Variants in PIGX observed in about 807,000 individuals in gnomAD.
The protein encoded by PIGX is GPI alpha-1,4-mannosyltransferase I, stabilizing subunit.
PIGX carries 24 observed loss-of-function variants against 28.7 expected under a neutral mutation model. The ratio of observed to expected loss-of-function variants is 0.84; its 90% CI spans 0.60 to 1.17. The LOEUF is 1.17. Ranked by LOEUF, PIGX falls within the 50% of genes most tolerant of loss-of-function variation. The pLI is 0.00. For synonymous variants in PIGX, 127 were observed against 121.0 expected (o/e 1.05, Z -0.33); for missense variants, 305 against 317.8 (o/e 0.96, Z 0.31).
intron 2 of PIGX, 50 bp from the exon 3 acceptor site, chr3:196,722,365 C>T (rs1303963663): frequency 2.2e-6 from 3 of 1,376,058 alleles, no homozygotes; most frequent in Middle Eastern, 3.6e-4. Context: ...TATGTTATCT[C>T]ATTTAACAGT....
rs1205312642 is a variant in PIGX, at chr3:196,735,446, C to T, written c.*1544C>T. The T allele has an allele frequency of 6.6e-6, 1 of 151,828 alleles. No homozygotes were observed. The highest frequency in any genetic ancestry group is 6.6e-5 in the Admixed American group (1 of 15,236). 9.4% of individuals were successfully genotyped at this position (151,828 alleles called of 1,614,324 possible). On this transcript the variant is annotated 3_prime_UTR_variant, in exon 6 of 6. Coordinates refer to ENST00000392391, the MANE Select transcript of PIGX (RefSeq NM_017861.4). ...TAAACCTTTGTATATGCCATCACTG[C>T]TCCATTTCCTAAAGTATTTTGGTGT...
In PIGX at chr3:196,733,909, T is replaced by C. The variant is rs757140285; in HGVS notation, c.*7T>C. ...TGGCCATTTTTCCCTATAAGTTTTATGTAGTTAAATGCTTCCTAGAAACCT... is the reference window on the plus strand; with the variant it reads ...TGGCCATTTTTCCCTATAAGTTTTACGTAGTTAAATGCTTCCTAGAAACCT... On this transcript the variant is annotated 3_prime_UTR_variant, in exon 6 of 6. Coordinates refer to ENST00000392391, the MANE Select transcript of PIGX (RefSeq NM_017861.4). This position sits in a 1 kb window ranked among gnomAD's most constrained non-coding sequence, Gnocchi z 4.3. The C allele has an allele frequency of 1.3e-6, 2 of 1,535,488 alleles. No individual in the cohort carries two copies. Among genetic ancestry groups the C allele is most frequent in the South Asian group, 1.1e-5 (1 of 89,104 alleles).
At chr3:196,724,124 C>G (rs1469291480) in intron 3 of PIGX, among the ~76,000 whole-genome samples, 2 of 150,854 alleles carry the variant, frequency 1.3e-5, no homozygotes, top group African/African-American at 4.9e-5. Context: ...TTCAAGTTCT[C>G]CTGCCTCAGC....
chr3:196,712,623 A>G lies in PIGX; in HGVS notation c.91A>G (p.Thr31Ala), dbSNP rs1711869012. 5.9e-6 allele frequency: 7 copies of G among 1,186,860 alleles called. No homozygotes were observed. Among genetic ancestry groups the G allele is most frequent in the Non-Finnish European group, 7.3e-6 (7 of 959,484 alleles). 73.5% of individuals were successfully genotyped at this position (1,186,860 alleles called of 1,614,324 possible). A position where few individuals can be genotyped will look rare whatever the true frequency, so the allele number is the denominator to read the frequency against. Residue 31 changes from threonine (T) to alanine (A), a missense_variant, in exon 1 of 6, where the codon ACC becomes GCC. By Grantham distance (58) the Thr-to-Ala change is moderately conservative. Coordinates refer to ENST00000392391, the MANE Select transcript of PIGX (RefSeq NM_017861.4). ...CACGCGCGGGCCCGCCGCGGCCTTC[A>G]CCGCCGCGCGCTCTGACGCCGGTAA...
In PIGX at chr3:196,732,243, TATATATA is replaced by T. The variant is rs1160230474; in HGVS notation, c.633+1152_633+1158del. Among the ~76,000 whole-genome samples the T allele has an allele frequency of 3.3e-4, 17 of 51,944 alleles. 1 individual carries two copies. The highest frequency in any genetic ancestry group is 6.8e-3 in the Middle Eastern group (1 of 148). 34.1% of individuals were successfully genotyped at this position (51,944 alleles called of 152,430 possible). A position where few individuals can be genotyped will look rare whatever the true frequency, so the allele number is the denominator to read the frequency against. On this transcript the variant is annotated intron_variant, in intron 5 of 5. Coordinates refer to ENST00000392391, the MANE Select transcript of PIGX (RefSeq NM_017861.4). Reference sequence around the variant, plus strand: ...ATATATATATATATATATATATATATATATATATATATATTTTATTTTATTTTATTTT... The same window carrying T: ...ATATATATATATATATATATATATATTATATATTTTATTTTATTTTATTTT...
At chr3:196,730,800 T>G (rs1389713244) in intron 4 of PIGX, among the ~76,000 whole-genome samples, 192 bp from the exon 5 acceptor site, 1 of 151,916 alleles carries the variant, frequency 6.6e-6, no homozygotes, top group Non-Finnish European at 1.5e-5. Flanking sequence ...TGCAATACTT[T>G]TGTGATTTTC....
At chr3:196,717,426 C>G (rs551565641) in intron 2 of PIGX, among the ~76,000 whole-genome samples, 23 of 151,966 alleles carry the variant, frequency 1.5e-4, no homozygotes, top group Non-Finnish European at 2.9e-4. Flanking sequence ...TATTGTTTAC[C>G]ACGTACAGTT....
chr3:196,718,115 C>T (rs572380149), intron 2 of PIGX, among the ~76,000 whole-genome samples: 3 of 152,118 alleles, frequency 2.0e-5, no homozygotes, highest in African/African-American at 4.8e-5. Context: ...TCGAGACCAG[C>T]GTGGCAAACA....
rs199844540 is a variant in PIGX, at chr3:196,732,562, G to A, written c.634-1197G>A. 1.4e-4 allele frequency among the ~76,000 whole-genome samples: 22 copies of A among 152,016 alleles called. No individual in the cohort carries two copies. In the East Asian group the frequency reaches 4.1e-3, roughly 28 times the overall value. ...CCCAAAGTGCTGGGATTACAGGCAT[G>A]AGCCACTGCACCCGGCCAACTTTAT... On this transcript the variant is annotated intron_variant, in intron 5 of 5. Coordinates refer to ENST00000392391, the MANE Select transcript of PIGX (RefSeq NM_017861.4).
chr3:196,720,000 C>T (rs1712250688), intron 2 of PIGX, among the ~76,000 whole-genome samples: 1 of 152,170 alleles, frequency 6.6e-6, no homozygotes, highest in Admixed American at 6.5e-5. Context: ...GGCTAGTTTC[C>T]ATCTCCTGAC....
rs993967260 is a variant in PIGX, at chr3:196,722,104, G to C, written c.177-311G>C. On this transcript the variant is annotated intron_variant, in intron 2 of 5. Coordinates refer to ENST00000392391, the MANE Select transcript of PIGX (RefSeq NM_017861.4). ...TCCAGTTGTTTCAGTGCCATTTGTT[G>C]AAAAGACTATCCTTTCCCCATTAAA... is the stretch of plus-strand genomic sequence containing the variant. 3.9e-5 allele frequency among the ~76,000 whole-genome samples: 6 copies of C among 152,104 alleles called. No individual in the cohort carries two copies. The East Asian group carries it at 9.6e-4, about 24-fold the overall frequency.
chr3:196,728,021 T>C lies in PIGX; in HGVS notation c.417T>C (p.Ile139=). 1.2e-6 allele frequency: 2 copies of C among 1,613,974 alleles called. No individual in the cohort carries two copies. The highest frequency in any genetic ancestry group is 8.5e-7 in the Non-Finnish European group (1 of 1,179,832). ...ATGCCAGACGAGATTCACAGTGCAT[T>C]GACTGTTTTCAAGCCTTTTTGCCTG... The change falls in exon 4 of 6, where the codon ATT becomes ATC. Residue 139 remains isoleucine (I), a synonymous_variant. Coordinates refer to ENST00000392391, the MANE Select transcript of PIGX (RefSeq NM_017861.4).
chr3:196,712,660 CT>C lies in PIGX; in HGVS notation c.112+18del. 8.4e-7 allele frequency: 1 copy of C among 1,185,068 alleles called. No individual in the cohort carries two copies. Among genetic ancestry groups the C allele is most frequent in the Non-Finnish European group, 1.0e-6 (1 of 957,702 alleles). The allele number at this position is 1,185,068 out of a possible 1,614,324, so 73.4% of individuals were successfully genotyped here. ...TCTGACGCCGGTAAGGGGGGCGGGG[CT>C]TGGGGGGCCAGAGCGTGGGAGCGGT... On this transcript the variant is annotated intron_variant, in intron 1 of 5. Coordinates refer to ENST00000392391, the MANE Select transcript of PIGX (RefSeq NM_017861.4).
intron 2 of PIGX, chr3:196,721,176 G>T: frequency 2.7e-6 from 1 of 373,096 alleles, no homozygotes; most frequent in Non-Finnish European, 5.2e-6. Context: ...CTCTTTTTTA[G>T]GAACTCCAAA....
At chr3:196,713,481 A>G (rs1375687129) in intron 1 of PIGX, among the ~76,000 whole-genome samples, 1 of 151,670 alleles carries the variant, frequency 6.6e-6, no homozygotes, top group Non-Finnish European at 1.5e-5. Flanking sequence ...AATTTTTTGT[A>G]TTTTTAGTAG....
chr3:196,715,940 C>T (rs1244340114), intron 1 of PIGX, among the ~76,000 whole-genome samples: 1 of 152,190 alleles, frequency 6.6e-6, no homozygotes, highest in Non-Finnish European at 1.5e-5. Context: ...AGTTCCATAG[C>T]AAATGCCTGG....
chr3:196,712,456 G>C lies in PIGX; in HGVS notation c.-77G>C, dbSNP rs1160774412. 1.6e-6 allele frequency: 1 copy of C among 627,018 alleles called. No individual in the cohort carries two copies. Among genetic ancestry groups the C allele is most frequent in the Non-Finnish European group, 2.2e-6 (1 of 463,884 alleles). The allele number at this position is 627,018 out of a possible 1,614,324, so 38.8% of individuals were successfully genotyped here. The stretch of plus-strand genomic sequence containing the variant: ...AAATCTGGGGCAGCGCGCGGTAGGA[G>C]CTGCGGGCGGCCAGGCCCCTTCCTG... On this transcript the variant is annotated 5_prime_UTR_variant, in exon 1 of 6. Transcript: ENST00000392391.
intron 5 of PIGX, among the ~76,000 whole-genome samples, chr3:196,732,235 TATATATATATATATATATA>T (rs1712804294): frequency 2.0e-4 from 13 of 65,208 alleles, no homozygotes; most frequent in African/African-American, 7.7e-4. Context: ...TATATATATA[TATATATATATATATATATA>T]TATTTTATTT....
chr3:196,723,564 C>T (rs140480336), intron 3 of PIGX, among the ~76,000 whole-genome samples: 1,520 of 151,332 alleles, frequency 0.01, 24 homozygotes, highest in African/African-American at 0.033. Context: ...AATCCTGATT[C>T]AGTAGGCCTA....
Sources: gnomAD v4.1 joint callset for allele counts (sites outside exome capture counted in the v4.1 genomes callset) on GRCh38, gnomAD v4.1.1 for gene constraint, Gnocchi (gnomAD v3.1) non-coding constraint, MANE v1.5 for transcripts, NCBI Gene and HGNC (gene_info 2026-07-23, HGNC 2026-07-21) for gene names.